Variants in SLC30A7 observed in about 807,000 individuals in gnomAD.
SLC30A7 encodes the protein solute carrier family 30 member 7, also known as zinc transporter 7.
In SLC30A7, 35 loss-of-function variants were observed where a neutral mutation model predicts 46.0. The ratio of observed to expected loss-of-function variants is 0.76; its 90% CI spans 0.58 to 1.01. SLC30A7 has a LOEUF of 1.01. SLC30A7 is among the 50% of genes least tolerant of loss of function. The probability of loss-of-function intolerance (pLI) is 0.00; values close to 1 mark genes in which losing one functional copy is unlikely to be tolerated. For missense variants in SLC30A7, 464 were observed against 451.1 expected (o/e 1.03, Z -0.26); for synonymous variants, 147 against 157.8 (o/e 0.93, Z 0.51).
At chr1:100,953,744 T>C (rs559879317) in intron 8 of SLC30A7, among the ~76,000 whole-genome samples, 16 of 152,348 alleles carry the variant, frequency 1.1e-4, no homozygotes, top group African/African-American at 3.6e-4. Flanking sequence ...TGCCCAATAC[T>C]GTATTGACTT....
At chr1:100,995,187 A>G in the SLC30A7 span, 3 of 1,446,430 alleles carry the variant, frequency 2.1e-6, no homozygotes, top group Non-Finnish European at 2.9e-6. Flanking sequence ...ATTTAATTAA[A>G]AGCTTTATCC....
In SLC30A7 at chr1:100,903,282, G is replaced by T. The variant is rs115854232; in HGVS notation, c.183-3570G>T. Among the ~76,000 whole-genome samples the T allele has an allele frequency of 2.8e-3, 418 of 151,614 alleles. 7 individuals are homozygous for T. Among genetic ancestry groups the T allele is most frequent in the African/African-American group, 9.8e-3 (407 of 41,378 alleles). ...TTTGCCATATTAATCTTTTCTTGGG[G>T]GATCGAAAACAAAATCATAGACAAT... is the stretch of plus-strand genomic sequence containing the variant. On this transcript the variant is annotated intron_variant, in intron 2 of 10. Transcript: ENST00000357650.
the SLC30A7 span, chr1:100,995,151 T>C: frequency 6.4e-7 from 1 of 1,567,694 alleles, no homozygotes; most frequent in East Asian, 2.2e-5. Flanking sequence ...CTTTGATGTC[T>C]GTAGGAAGTA....
intron 8 of SLC30A7, among the ~76,000 whole-genome samples, chr1:100,937,182 A>G (rs1324856738): frequency 6.6e-6 from 1 of 152,206 alleles, no homozygotes; most frequent in Non-Finnish European, 1.5e-5. Context: ...CTACCTGCAG[A>G]CATACTATGT....
In SLC30A7 at chr1:100,896,139, A is replaced by T. The variant is rs1032534297; in HGVS notation, c.-124A>T. On this transcript the variant is annotated 5_prime_UTR_variant, in exon 1 of 11. Coordinates refer to ENST00000357650, the MANE Select transcript of SLC30A7 (RefSeq NM_133496.5). ...GTGTCTGTGTCTGTCTGTGTCTCGC[A>T]GCGGCGCGCGGCCCCGGACAAGCGC... 19 of 810,422 alleles carry T rather than the reference A, an allele frequency of 2.3e-5. No individual in the cohort carries two copies. The highest frequency in any genetic ancestry group is 3.8e-5 in the Non-Finnish European group (18 of 476,146). The allele number at this position is 810,422 out of a possible 1,614,324, so 50.2% of individuals were successfully genotyped here.
At chr1:100,899,588 C>A (rs745772274) in intron 2 of SLC30A7, among the ~76,000 whole-genome samples, 13 of 152,114 alleles carry the variant, frequency 8.5e-5, no homozygotes, top group Admixed American at 2.0e-4. Context: ...GAGGCTGAGA[C>A]ACCAGCATCC....
chr1:100,944,352 TA>T (rs1043130317), intron 8 of SLC30A7, among the ~76,000 whole-genome samples: 1 of 152,216 alleles, frequency 6.6e-6, no homozygotes. Context: ...AATATGTTTT[TA>T]AAATATTTTT....
intron 1 of SLC30A7, 103 bp downstream of exon 1, chr1:100,896,445 C>T (rs1650938602): frequency 1.4e-6 from 2 of 1,442,286 alleles, no homozygotes. Flanking sequence ...CAAAAACTCC[C>T]CGTCAACCCC....
chr1:100,971,654 A>G (rs1490374504), intron 10 of SLC30A7, among the ~76,000 whole-genome samples: 1 of 152,160 alleles, frequency 6.6e-6, no homozygotes, highest in Non-Finnish European at 1.5e-5. Context: ...AATGAGCCTC[A>G]AAAGACAATT....
intron 8 of SLC30A7, among the ~76,000 whole-genome samples, chr1:100,926,537 T>A (rs1208446770): frequency 6.6e-6 from 1 of 152,006 alleles, no homozygotes; most frequent in Non-Finnish European, 1.5e-5. Flanking sequence ...TCCAAACACC[T>A]CCCACCAGGC....
chr1:100,903,979 A>G (rs549434868), intron 2 of SLC30A7, among the ~76,000 whole-genome samples: 1 of 152,292 alleles, frequency 6.6e-6, no homozygotes, highest in South Asian at 2.1e-4. Flanking sequence ...TGATTTATTA[A>G]TAATTAGCAA....
chr1:100,921,947 TTGC>T, intron 8 of SLC30A7, 106 bp downstream of exon 8: 2 of 939,396 alleles, frequency 2.1e-6, no homozygotes, highest in South Asian at 1.7e-5. Flanking sequence ...TTTCCTTTGC[TTGC>T]TTTTTTTTTT....
At chr1:100,944,670 G>A (rs182425758) in intron 8 of SLC30A7, among the ~76,000 whole-genome samples, 219 of 112,628 alleles carry the variant, frequency 1.9e-3, no homozygotes, top group African/African-American at 7.4e-3. Context: ...CCTACTCCCC[G>A]GTGTATATGT....
chr1:100,969,518 A>G (rs1656043974), intron 10 of SLC30A7, among the ~76,000 whole-genome samples: 1 of 152,152 alleles, frequency 6.6e-6, no homozygotes, highest in South Asian at 2.1e-4. Context: ...GGGCTTAGGA[A>G]CTCTTGAAGT....
At chr1:100,900,269 C>T (rs1208164305) in intron 2 of SLC30A7, among the ~76,000 whole-genome samples, 1 of 152,006 alleles carries the variant, frequency 6.6e-6, no homozygotes, top group Non-Finnish European at 1.5e-5. Context: ...ACCATTTTTC[C>T]CTTAGACATA....
chr1:100,905,351 C>T (rs565548331), intron 2 of SLC30A7, among the ~76,000 whole-genome samples: 1 of 151,578 alleles, frequency 6.6e-6, no homozygotes, highest in South Asian at 2.1e-4. Context: ...TTTTATTTCT[C>T]TTTGATGTTT....
At chr1:100,968,966 C>T (rs1028409741) in intron 10 of SLC30A7, among the ~76,000 whole-genome samples, 13 of 152,272 alleles carry the variant, frequency 8.5e-5, no homozygotes, top group African/African-American at 2.9e-4. Context: ...TCAAAAAGAT[C>T]TTAATGAGAT....
At chr1:100,917,724 A>C (rs1349064623) in intron 6 of SLC30A7, among the ~76,000 whole-genome samples, 1 of 152,232 alleles carries the variant, frequency 6.6e-6, no homozygotes, top group African/African-American at 2.4e-5. Flanking sequence ...CTTGGACCTC[A>C]TAACTTCAAG....
chr1:100,946,206 T>A (rs1307424076), intron 8 of SLC30A7, among the ~76,000 whole-genome samples: 1 of 152,210 alleles, frequency 6.6e-6, no homozygotes, highest in East Asian at 1.9e-4. Context: ...GGGAGTTTTC[T>A]AAATATACAT....
Sources: gnomAD v4.1 joint callset for allele counts (sites outside exome capture counted in the v4.1 genomes callset) on GRCh38, gnomAD v4.1.1 for gene constraint, MANE v1.5 for transcripts, NCBI Gene and HGNC (gene_info 2026-07-23, HGNC 2026-07-21) for gene names.